TRAPPC8: variants seen among roughly 807,000 people sequenced by gnomAD.
TRAPPC8 encodes general sporulation gene 1 homolog.
TRAPPC8 carries 54 observed loss-of-function variants against 174.3 expected under a neutral mutation model. The observed-to-expected ratio is 0.31, with a 90% confidence interval of 0.25 to 0.39. The LOEUF (loss-of-function observed/expected upper bound fraction) is 0.39, where lower values mean the gene tolerates loss of function less well. TRAPPC8 is among the 10% of genes least tolerant of loss of function. The pLI is 1.00. For missense variants in TRAPPC8, 1,531 were observed against 1,699.1 expected, an observed-to-expected ratio of 0.90 and a Z score of 1.74; for synonymous variants, 630 against 579.9, an observed-to-expected ratio of 1.09 and a Z score of -1.24.
chr18:31,850,276 G>A (rs959659387), intron 24 of TRAPPC8, among the ~76,000 whole-genome samples: 3 of 152,130 alleles, frequency 2.0e-5, no homozygotes, highest in African/African-American at 4.8e-5. Flanking sequence ...TCTTAAAGCC[G>A]TCACCCCAAA....
intron 16 of TRAPPC8, 131 bp from the exon 17 acceptor site, chr18:31,867,607 T>A (rs1471199314): frequency 7.2e-6 from 4 of 556,044 alleles, no homozygotes; most frequent in East Asian, 3.1e-5. Context: ...TACCACATGC[T>A]GAGCTCTACA....
chr18:31,929,469 A>G (rs1407397011), intron 2 of TRAPPC8, among the ~76,000 whole-genome samples: 1 of 151,828 alleles, frequency 6.6e-6, no homozygotes, highest in Non-Finnish European at 1.5e-5. Context: ...CAAGGCTGCA[A>G]TGAGCAATGA....
At chr18:31,849,226 G>A (rs1156535835) in intron 25 of TRAPPC8, among the ~76,000 whole-genome samples, 2 of 152,036 alleles carry the variant, frequency 1.3e-5, no homozygotes, top group African/African-American at 4.8e-5. Context: ...AATGGTTTTT[G>A]GAGCCAAGGT....
chr18:31,897,598 CT>C (rs1409802618), intron 11 of TRAPPC8, among the ~76,000 whole-genome samples, 187 bp downstream of exon 11: 10 of 151,964 alleles, frequency 6.6e-5, no homozygotes, highest in Non-Finnish European at 1.5e-5. Flanking sequence ...TGTAAATAAA[CT>C]TAATTTATAA....
rs1217127951 is a variant in TRAPPC8, at chr18:31,864,731, G to C, written c.2641C>G (p.Gln881Glu). 1 of 1,612,256 alleles carries C rather than the reference G, an allele frequency of 6.2e-7. No individual in the cohort carries two copies. Among genetic ancestry groups the C allele is most frequent in the East Asian group, 2.2e-5 (1 of 44,716 alleles). ...TTTGTGTTGTTAAGTCGAGGACCTT[G>C]AATTTCTAAATCCTGCTTCCCTCGG... ...SVRGKQDLEI[Q>E]GPRLNNTKEE... Residue 881 changes from glutamine to glutamate, a missense_variant, in exon 19 of 29, where the codon CAA becomes GAA. Transcript: ENST00000283351.
At chr18:31,862,472 A>G (rs1214502114) in intron 19 of TRAPPC8, among the ~76,000 whole-genome samples, 3 of 152,176 alleles carry the variant, frequency 2.0e-5, no homozygotes, top group Admixed American at 6.5e-5. Flanking sequence ...TATAATAGAA[A>G]GATGGCATAA....
chr18:31,852,871 G>A (rs539707706), intron 22 of TRAPPC8: 49 of 535,784 alleles, frequency 9.1e-5, no homozygotes, highest in African/African-American at 8.9e-4. Flanking sequence ...ATCCATGTGT[G>A]CACATGTATA....
intron 1 of TRAPPC8, among the ~76,000 whole-genome samples, chr18:31,935,268 G>A (rs991349143): frequency 6.7e-6 from 1 of 150,134 alleles, no homozygotes; most frequent in Non-Finnish European, 1.5e-5. Flanking sequence ...TTGAACCTTG[G>A]AAGTGGAGGT....
At chr18:31,874,445 T>C in intron 13 of TRAPPC8, 35 bp downstream of exon 13, 1 of 1,566,074 alleles carries the variant, frequency 6.4e-7, no homozygotes, top group Non-Finnish European at 8.8e-7. Context: ...AAATACAGTT[T>C]TAATATCTAT....
chr18:31,887,602 C>T (rs1170303623), intron 12 of TRAPPC8, among the ~76,000 whole-genome samples: 7 of 150,192 alleles, frequency 4.7e-5, no homozygotes, highest in African/African-American at 7.4e-5. Context: ...GCCGAGATCA[C>T]GCCATTGCAC....
Position 31,916,382 on chromosome 18 carries a change from T to C in TRAPPC8, c.507A>G (p.Glu169=). 1.9e-6 allele frequency: 3 copies of C among 1,613,990 alleles called. No individual in the cohort carries two copies. Among genetic ancestry groups the C allele is most frequent in the Non-Finnish European group, 2.5e-6 (3 of 1,179,944 alleles). The change falls in exon 4 of 29, where the codon GAA becomes GAG. Residue 169 remains glutamate (E), a synonymous_variant. Transcript: ENST00000283351. ...PVEQFSKLSQ[E]QHRIQHNSDY... The stretch of plus-strand genomic sequence containing the variant: ...CACTGTTGTGCTGAATTCGATGCTG[T>C]TCTTGTGACAACTTTGAAAACTGTT...
intron 2 of TRAPPC8, among the ~76,000 whole-genome samples, chr18:31,920,128 T>C (rs990196120): frequency 1.4e-4 from 21 of 152,320 alleles, no homozygotes; most frequent in African/African-American, 5.1e-4. Flanking sequence ...GATCTCCACA[T>C]ATACAAGGAA....
rs192524282 is a variant in TRAPPC8, at chr18:31,913,288, G to C, written c.771+81C>G. On this transcript the variant is annotated intron_variant, in intron 5 of 28. Transcript: ENST00000283351. ...TGACCAGATTCCACACAATTAATAT[G>C]AATAATTATACTAGTTAAACCAAAA... is the stretch of plus-strand genomic sequence containing the variant. The C allele has an allele frequency of 4.3e-6, 6 of 1,405,298 alleles. No individual in the cohort carries two copies. The Admixed American group carries it at 1.2e-4, about 29-fold the overall frequency. The allele number at this position is 1,405,298 out of a possible 1,614,324, so 87.1% of individuals were successfully genotyped here. A position where few individuals can be genotyped will look rare whatever the true frequency, so the allele number is the denominator to read the frequency against.
chr18:31,832,073 C>A lies in TRAPPC8; in HGVS notation c.4073+11G>T. On this transcript the variant is annotated intron_variant, in intron 28 of 28. Coordinates refer to ENST00000283351, the MANE Select transcript of TRAPPC8 (RefSeq NM_014939.5). ...CCAAATCAAATAACCTTGCACTAAA[C>A]AAATCTTTACCTTGTTGTTTTATGC... The A allele has an allele frequency of 6.6e-7, 1 of 1,521,556 alleles. No individual in the cohort carries two copies. The highest frequency in any genetic ancestry group is 8.8e-7 in the Non-Finnish European group (1 of 1,138,576). 94.3% of individuals were successfully genotyped at this position (1,521,556 alleles called of 1,614,324 possible).
intron 7 of TRAPPC8, 138 bp downstream of exon 7, chr18:31,908,613 CATT>C (rs1370931230): frequency 1.2e-5 from 12 of 991,910 alleles, no homozygotes; most frequent in Middle Eastern, 3.4e-4. Flanking sequence ...AGAATTTCAT[CATT>C]GATAGTAATT....
At position 31,897,889 on chromosome 18, in the gene TRAPPC8, T is replaced by C. The variant is rs770773277; in HGVS notation, c.1493A>G (p.Asn498Ser). ...CACACATCTTTCAGCCAACACCATA[T>C]TCCTATAGAAAAAAGGACAAGAAGA... ...AIQTYRDICK[N>S]MVLAERCVLL... Residue 498 changes from asparagine (N) to serine (S), a missense_variant and splice_region_variant, in exon 11 of 29, where the codon AAT becomes AGT. Physicochemically the swap from Asn to Ser is conservative, Grantham distance 46. Transcript: ENST00000283351. The C allele has an allele frequency of 2.5e-6, 4 of 1,609,396 alleles. No individual in the cohort carries two copies. Among genetic ancestry groups the C allele is most frequent in the East Asian group, 2.2e-5 (1 of 44,760 alleles).
chr18:31,901,098 T>A (rs1385065533), intron 9 of TRAPPC8, 73 bp from the exon 10 acceptor site: 11 of 1,359,958 alleles, frequency 8.1e-6, no homozygotes, highest in Non-Finnish European at 1.1e-5. Context: ...AAACTAAAAG[T>A]TGGAATGAAA....
intron 27 of TRAPPC8, among the ~76,000 whole-genome samples, chr18:31,838,130 C>T (rs940369380): frequency 2.6e-5 from 4 of 152,096 alleles, no homozygotes; most frequent in Non-Finnish European, 2.9e-5. Flanking sequence ...CCACCATGCC[C>T]GGCTCTAAGT....
intron 2 of TRAPPC8, among the ~76,000 whole-genome samples, chr18:31,923,748 T>TA (rs3980939): frequency 0.12 from 16,316 of 141,182 alleles, 1,092 homozygotes; most frequent in East Asian, 0.34. Flanking sequence ...GGAAAGAAGC[T>TA]AAAAAAAAAA....
Sources: allele counts gnomAD v4.1 joint callset (sites outside exome capture counted in the v4.1 genomes callset), GRCh38; gene constraint gnomAD v4.1.1; transcripts MANE v1.5; gene names NCBI Gene and HGNC (gene_info 2026-07-23, HGNC 2026-07-21).